KCND2: variants seen among roughly 807,000 people sequenced by gnomAD.
KCND2 encodes potassium voltage-gated channel subfamily D member 2.
Under a neutral mutation model 54.4 loss-of-function variants are expected in KCND2, and 16 were observed. That is an observed-to-expected ratio of 0.29 (90% CI 0.20 to 0.45). KCND2 has a LOEUF of 0.45. Ranked by LOEUF, KCND2 falls within the 20% of genes least tolerant of loss-of-function variation. The probability of loss-of-function intolerance (pLI) is 1.00; values close to 1 mark genes in which losing one functional copy is unlikely to be tolerated. For synonymous variants in KCND2, 317 were observed against 310.7 expected (o/e 1.02, Z -0.21); for missense variants, 486 against 824.2 (o/e 0.59, Z 5.02).
intron 1 of KCND2, among the ~76,000 whole-genome samples, chr7:120,621,077 A>T (rs1327337251): frequency 6.6e-6 from 1 of 151,896 alleles, no homozygotes; most frequent in Non-Finnish European, 1.5e-5. Context: ...GTTCGAGACC[A>T]GCCTGACCAA....
At chr7:120,741,669 T>A (rs55755276) in intron 3 of KCND2, 40 bp downstream of exon 3, 11 of 1,383,848 alleles carry the variant, frequency 7.9e-6, no homozygotes, top group Non-Finnish European at 1.1e-5. Flanking sequence ...GTTCAATTTC[T>A]TGGTTTAATA....
At chr7:120,431,689 T>A (rs1344710942) in intron 1 of KCND2, among the ~76,000 whole-genome samples, 1 of 152,206 alleles carries the variant, frequency 6.6e-6, no homozygotes. Context: ...AGATGCATAT[T>A]AACCATGAAT....
chr7:120,309,298 AG>A, intron 1 of KCND2, among the ~76,000 whole-genome samples: 1 of 152,176 alleles, frequency 6.6e-6, no homozygotes, highest in South Asian at 2.1e-4. Flanking sequence ...CTTTGAAGGA[AG>A]AGAACAGAGG....
intron 1 of KCND2, among the ~76,000 whole-genome samples, chr7:120,607,570 T>TA (rs1286976170): frequency 2.6e-5 from 4 of 152,154 alleles, no homozygotes; most frequent in Non-Finnish European, 5.9e-5. Context: ...CTTCTGTGCT[T>TA]AAGACACTGT....
At chr7:120,643,448 C>G (rs1439800597) in intron 1 of KCND2, among the ~76,000 whole-genome samples, 3 of 151,988 alleles carry the variant, frequency 2.0e-5, no homozygotes, top group Non-Finnish European at 4.4e-5. Flanking sequence ...TCTGTTGCCA[C>G]AGGTATGTGA....
intron 1 of KCND2, among the ~76,000 whole-genome samples, chr7:120,679,268 T>G (rs114734317): frequency 0.034 from 5,196 of 152,074 alleles, 208 homozygotes; most frequent in African/African-American, 0.1. Context: ...TTCTATATGC[T>G]ATTTCCAATG....
intron 1 of KCND2, among the ~76,000 whole-genome samples, chr7:120,641,754 C>CA (rs569454552): frequency 7.7e-6 from 1 of 129,906 alleles, no homozygotes; most frequent in African/African-American, 2.9e-5. Context: ...CAAGCATATT[C>CA]TTTTTTTTTT....
At chr7:120,480,961 A>AT (rs1359161307) in intron 1 of KCND2, among the ~76,000 whole-genome samples, 1 of 152,220 alleles carries the variant, frequency 6.6e-6, no homozygotes, top group Non-Finnish European at 1.5e-5. Context: ...CTAGATTGCC[A>AT]TTAATGGAAC....
chr7:120,652,234 C>A (rs1437060614), intron 1 of KCND2, among the ~76,000 whole-genome samples: 1 of 152,112 alleles, frequency 6.6e-6, no homozygotes, highest in African/African-American at 2.4e-5. Flanking sequence ...CACCACCACA[C>A]CCAGCTAATT....
intron 1 of KCND2, among the ~76,000 whole-genome samples, chr7:120,664,526 T>C (rs1351672938): frequency 6.6e-6 from 1 of 151,880 alleles, no homozygotes; most frequent in Non-Finnish European, 1.5e-5. Flanking sequence ...AAGGAAGATA[T>C]AAACAACAAA....
rs1224489267 is a variant in KCND2 at position 120,573,803 on chromosome 7, C to T, written c.1116-159100C>T. On this transcript the variant is annotated intron_variant, in intron 1 of 5. Transcript: ENST00000331113. ...TTTAATAAGTAGTCAAGCAAGATAC[C>T]AGACATTGATCAAAGCACCAATTCT... 2.6e-5 allele frequency among the ~76,000 whole-genome samples: 4 copies of T among 151,404 alleles called. No individual in the cohort carries two copies. The Admixed American group carries it at 2.6e-4, about 10-fold the overall frequency.
intron 1 of KCND2, among the ~76,000 whole-genome samples, chr7:120,470,850 C>G (rs1471697966): frequency 1.3e-5 from 2 of 151,556 alleles, no homozygotes; most frequent in East Asian, 1.9e-4. Flanking sequence ...TAAGTAAATC[C>G]CATCCCAATT....
intron 1 of KCND2, among the ~76,000 whole-genome samples, chr7:120,352,561 G>A (rs1046925898): frequency 1.3e-5 from 2 of 151,278 alleles, no homozygotes; most frequent in East Asian, 3.9e-4. Context: ...CCTTCATAAA[G>A]CCTACTTATG....
intron 1 of KCND2, among the ~76,000 whole-genome samples, chr7:120,558,895 G>A (rs926865821): frequency 1.3e-5 from 2 of 152,096 alleles, no homozygotes; most frequent in Non-Finnish European, 2.9e-5. Flanking sequence ...TATAAAAGGA[G>A]ATGAATGGTC....
At chr7:120,528,801 A>G (rs1308550518) in intron 1 of KCND2, among the ~76,000 whole-genome samples, 2 of 152,072 alleles carry the variant, frequency 1.3e-5, no homozygotes, top group Admixed American at 1.3e-4. Context: ...CACTTTCTCA[A>G]TTTCTCTGTC....
intron 1 of KCND2, among the ~76,000 whole-genome samples, chr7:120,380,004 C>A (rs1353885295): frequency 6.6e-6 from 1 of 152,006 alleles, no homozygotes; most frequent in Non-Finnish European, 1.5e-5. Flanking sequence ...CCTACGCTAT[C>A]CTGACCTGTA....
chr7:120,683,255 TGTC>T (rs1209099617), intron 1 of KCND2, among the ~76,000 whole-genome samples: 1 of 152,148 alleles, frequency 6.6e-6, no homozygotes, highest in East Asian at 1.9e-4. Context: ...TTTCTAATGG[TGTC>T]ATTACAAATG....
chr7:120,721,973 C>T (rs1158104076), intron 1 of KCND2, among the ~76,000 whole-genome samples: 1 of 152,062 alleles, frequency 6.6e-6, no homozygotes, highest in East Asian at 1.9e-4. Flanking sequence ...TTCACTTGGC[C>T]GTCACTCTCC....
At chr7:120,425,785 C>T (rs191040683) in intron 1 of KCND2, among the ~76,000 whole-genome samples, 4 of 152,334 alleles carry the variant, frequency 2.6e-5, no homozygotes, top group East Asian at 3.9e-4. Context: ...TGCTAGAGCA[C>T]GTTTTCCCCT....
Sources: gnomAD v4.1 joint callset for allele counts (sites outside exome capture counted in the v4.1 genomes callset) on GRCh38, gnomAD v4.1.1 for gene constraint, MANE v1.5 for transcripts, NCBI Gene and HGNC (gene_info 2026-07-23, HGNC 2026-07-21) for gene names.